CMTR1: variants seen among roughly 807,000 people sequenced by gnomAD.
CMTR1 encodes the protein cap methyltransferase 1.
CMTR1 carries 39 observed loss-of-function variants against 107.0 expected under a neutral mutation model. That is an observed-to-expected ratio of 0.36 (90% CI 0.28 to 0.48). The LOEUF (loss-of-function observed/expected upper bound fraction) is 0.48. Ranked by LOEUF, CMTR1 falls within the 20% of genes least tolerant of loss-of-function variation. CMTR1 has a pLI of 0.99. For missense variants in CMTR1, 672 were observed against 1,064.9 expected (o/e 0.63, Z 5.14); for synonymous variants, 366 against 379.5 (o/e 0.96, Z 0.41).
chr6:37,481,009 C>T lies in CMTR1; in HGVS notation c.*864C>T. The stretch of plus-strand genomic sequence containing the variant: ...CCAGGGGTTTGGGTAGCGCTGCCCT[C>T]TGGCAGTCATGCACCGCTGTCTGCC... On this transcript the variant is annotated 3_prime_UTR_variant, in exon 24 of 24. Coordinates refer to ENST00000373451, the MANE Select transcript of CMTR1 (RefSeq NM_015050.3). The T allele has an allele frequency of 7.7e-7, 1 of 1,303,072 alleles. No homozygotes were observed. The highest frequency in any genetic ancestry group is 1.2e-5 in the South Asian group (1 of 80,938). 80.7% of individuals were successfully genotyped at this position (1,303,072 alleles called of 1,614,324 possible).
At chr6:37,476,834 T>A (rs1159220854) in intron 20 of CMTR1, among the ~76,000 whole-genome samples, 1 of 152,252 alleles carries the variant, frequency 6.6e-6, no homozygotes, top group African/African-American at 2.4e-5. Context: ...TTTATCCACA[T>A]TGTTTTTGTT....
intron 8 of CMTR1, among the ~76,000 whole-genome samples, chr6:37,456,070 C>A (rs958413485): frequency 5.3e-5 from 8 of 152,234 alleles, no homozygotes; most frequent in Non-Finnish European, 1.2e-4. Context: ...ATTCATGCCC[C>A]CTTTGCAGGG....
intron 13 of CMTR1, among the ~76,000 whole-genome samples, chr6:37,467,435 TG>T (rs1206601336): frequency 6.6e-6 from 1 of 152,248 alleles, no homozygotes; most frequent in Non-Finnish European, 1.5e-5. Flanking sequence ...TGCTCTATCT[TG>T]GTGTTGCTTG....
chr6:37,475,275 G>C, intron 18 of CMTR1, 46 bp from the exon 19 acceptor site: 1 of 1,506,104 alleles, frequency 6.6e-7, no homozygotes. Flanking sequence ...GGGGGCTGAA[G>C]GCTGACACCT....
intron 5 of CMTR1, among the ~76,000 whole-genome samples, chr6:37,451,129 T>A (rs1761153227): frequency 6.6e-6 from 1 of 152,198 alleles, no homozygotes; most frequent in Non-Finnish European, 1.5e-5. Context: ...CCTTTTAAAC[T>A]GAATTTAAAA....
chr6:37,457,120 TGAA>T (rs1248580097), intron 8 of CMTR1, among the ~76,000 whole-genome samples: 1 of 149,754 alleles, frequency 6.7e-6, no homozygotes, highest in African/African-American at 2.5e-5. Flanking sequence ...CTCAGGAGGT[TGAA>T]GAAAGAGGAT....
chr6:37,428,534 T>G (rs1361627899), upstream of CMTR1, among the ~76,000 whole-genome samples: 1 of 152,180 alleles, frequency 6.6e-6, no homozygotes, highest in Non-Finnish European at 1.5e-5. Flanking sequence ...CTCTGCTTAC[T>G]CCAACCTCCA....
chr6:37,471,605 C>G (rs574813833), intron 14 of CMTR1, among the ~76,000 whole-genome samples: 1 of 152,294 alleles, frequency 6.6e-6, no homozygotes, highest in East Asian at 1.9e-4. Flanking sequence ...AGGGCACTTT[C>G]TCCTTTCCCA....
chr6:37,467,234 A>G (rs1761528650), intron 13 of CMTR1, among the ~76,000 whole-genome samples: 1 of 152,196 alleles, frequency 6.6e-6, no homozygotes, highest in Non-Finnish European at 1.5e-5. Context: ...CCTATGGCTC[A>G]TATATTTTAA....
intron 21 of CMTR1, among the ~76,000 whole-genome samples, chr6:37,477,875 A>G (rs1581756354): frequency 6.6e-6 from 1 of 152,216 alleles, no homozygotes; most frequent in Non-Finnish European, 1.5e-5. Flanking sequence ...TCAGGCAGAA[A>G]TACGGGCTCA....
At chr6:37,466,108 GTTTTTGTTTTT>G (rs1761505613) in intron 13 of CMTR1, among the ~76,000 whole-genome samples, 2 of 127,712 alleles carry the variant, frequency 1.6e-5, no homozygotes, top group African/African-American at 5.8e-5. Flanking sequence ...GAGTTTTACA[GTTTTTGTTTTT>G]TTTTTTTTTT....
chr6:37,437,031 A>G (rs895094437), intron 2 of CMTR1, among the ~76,000 whole-genome samples: 2 of 152,214 alleles, frequency 1.3e-5, no homozygotes, highest in African/African-American at 4.8e-5. Context: ...GACAGGTGGT[A>G]CAGCGAATGG....
At position 37,481,094 on chromosome 6, in the gene CMTR1, T is replaced by C. The variant is rs1761845367; in HGVS notation, c.*949T>C. ...TTGAAGTGCAGCTCCCTTACTACCC[T>C]TTCCCTTCCTTTTTCTTCCCTAATA... On this transcript the variant is annotated 3_prime_UTR_variant, in exon 24 of 24. Transcript: ENST00000373451. 7.7e-7 allele frequency: 1 copy of C among 1,304,304 alleles called. No individual in the cohort carries two copies. The highest frequency in any genetic ancestry group is 1.0e-6 in the Non-Finnish European group (1 of 988,964). The allele number at this position is 1,304,304 out of a possible 1,614,324, so 80.8% of individuals were successfully genotyped here.
intron 12 of CMTR1, among the ~76,000 whole-genome samples, chr6:37,462,400 G>A (rs551435239): frequency 6.6e-6 from 1 of 152,200 alleles, no homozygotes; most frequent in African/African-American, 2.4e-5. Context: ...CTGGGAAGGG[G>A]CAAGGAGCCG....
chr6:37,474,760 C>A, intron 18 of CMTR1, 114 bp downstream of exon 18: 1 of 1,482,750 alleles, frequency 6.7e-7, no homozygotes, highest in Non-Finnish European at 9.1e-7. Flanking sequence ...GCTGACAGGG[C>A]CCAGGGCTGG....
chr6:37,424,634 C>T, the CMTR1 span, among the ~76,000 whole-genome samples: 5 of 152,022 alleles, frequency 3.3e-5, no homozygotes, highest in East Asian at 7.7e-4. Context: ...TACAGAGTTG[C>T]AAACCAAAGT....
At position 37,480,004 on chromosome 6, in the gene CMTR1, C is replaced by A. The variant is rs1427435398; in HGVS notation, c.2376-9C>A. The A allele has an allele frequency of 1.3e-6, 2 of 1,568,560 alleles. No individual in the cohort carries two copies. The highest frequency in any genetic ancestry group is 8.6e-7 in the Non-Finnish European group (1 of 1,162,414). ...GTCCTGACCTCTTTCCCATCCCTCT[C>A]CTCCCCAGCATTTGCTACTATGGCC... On this transcript the variant is annotated splice_polypyrimidine_tract_variant and intron_variant, in intron 23 of 23. Transcript: ENST00000373451.
chr6:37,440,614 A>T (rs1771652015), intron 2 of CMTR1, among the ~76,000 whole-genome samples: 2 of 152,206 alleles, frequency 1.3e-5, no homozygotes, highest in African/African-American at 4.8e-5. Flanking sequence ...CCTGGAAAGG[A>T]TAATGTACAT....
At chr6:37,457,404 C>G (rs1010458893) in intron 8 of CMTR1, among the ~76,000 whole-genome samples, 3 of 152,084 alleles carry the variant, frequency 2.0e-5, no homozygotes, top group Admixed American at 6.5e-5. Context: ...TTGTCAGCTT[C>G]TGACTGTGCC....
Sources: allele counts gnomAD v4.1 joint callset (sites outside exome capture counted in the v4.1 genomes callset), GRCh38; gene constraint gnomAD v4.1.1; transcripts MANE v1.5; gene names NCBI Gene and HGNC (gene_info 2026-07-23, HGNC 2026-07-21).